The following OTULIN variants were observed in gnomAD, a reference collection of about 807,000 sequenced individuals.
OTULIN encodes OTU deubiquitinase with linear linkage specificity, also known as ubiquitin thioesterase otulin.
OTULIN carries 15 observed loss-of-function variants against 39.6 expected under a neutral mutation model. The observed-to-expected ratio is 0.38, with a 90% CI of 0.25 to 0.58. The LOEUF (loss-of-function observed/expected upper bound fraction) is 0.58, where lower values mean the gene tolerates loss of function less well. OTULIN is among the 20% of genes least tolerant of loss of function. The probability of loss-of-function intolerance (pLI) is 0.66; values close to 1 mark genes in which losing one functional copy is unlikely to be tolerated. For synonymous variants in OTULIN, 156 were observed against 170.3 expected (o/e 0.92, Z 0.65); for missense variants, 319 against 445.9 (o/e 0.72, Z 2.56).
chr5:14,700,551 C>T (rs931985946), downstream of OTULIN, among the ~76,000 whole-genome samples: 1 of 149,848 alleles, frequency 6.7e-6, no homozygotes, highest in African/African-American at 2.5e-5. Flanking sequence ...CACCCCAACC[C>T]CATGCCCACC....
the OTULIN span, chr5:14,706,584 T>G: frequency 6.6e-6 from 1 of 152,210 alleles, no homozygotes; most frequent in South Asian, 2.1e-4. Context: ...CTGAGTGGAG[T>G]TTGGGTTATT....
chr5:14,709,905 A>ATATCT, the OTULIN span: 1 of 152,592 alleles, frequency 6.6e-6, no homozygotes, highest in South Asian at 2.1e-4. Flanking sequence ...GCATATATTT[A>ATATCT]TATCTTTAAA....
intron 3 of OTULIN, 114 bp from the exon 4 acceptor site, chr5:14,681,350 A>G (rs758569042): frequency 4.4e-5 from 55 of 1,253,166 alleles, no homozygotes; most frequent in Admixed American, 9.9e-5. Context: ...TAAAACTCCA[A>G]CTTTGGGCAT....
chr5:14,715,862 A>G, the OTULIN span, among the ~76,000 whole-genome samples: 3 of 152,200 alleles, frequency 2.0e-5, no homozygotes. Flanking sequence ...TAACTTTCCA[A>G]CTGGCTTTTG....
chr5:14,712,214 TCACG>T, the OTULIN span, among the ~76,000 whole-genome samples: 1 of 152,218 alleles, frequency 6.6e-6, no homozygotes, highest in African/African-American at 2.4e-5. Flanking sequence ...GAGATGCACG[TCACG>T]CACCGTGAGC....
intron 2 of OTULIN, among the ~76,000 whole-genome samples, chr5:14,674,339 C>G (rs1395197256): frequency 1.3e-5 from 2 of 152,252 alleles, no homozygotes; most frequent in African/African-American, 4.8e-5. Context: ...TGGCCTCATG[C>G]AGGAGCTGCA....
chr5:14,713,497 T>C, the OTULIN span: 1 of 1,611,840 alleles, frequency 6.2e-7, no homozygotes, highest in Non-Finnish European at 8.5e-7. The surrounding 1 kb of genome is among the most constrained non-coding windows in gnomAD (Gnocchi z 4.4). Context: ...GGACACAGTA[T>C]TGAAGTGGCA....
the OTULIN span, among the ~76,000 whole-genome samples, chr5:14,711,979 C>G: frequency 1.3e-5 from 2 of 152,262 alleles, no homozygotes; most frequent in Non-Finnish European, 2.9e-5. Flanking sequence ...ACGGATCCCA[C>G]CAACCCTTCA....
chr5:14,673,783 C>T (rs1445708209), intron 2 of OTULIN, 65 bp downstream of exon 2: 40 of 1,325,720 alleles, frequency 3.0e-5, no homozygotes, highest in Middle Eastern at 1.9e-4. Context: ...CAGTTAAATC[C>T]GTATAACCAT....
chr5:14,676,992 T>A (rs1010951326), intron 2 of OTULIN, among the ~76,000 whole-genome samples: 1 of 152,248 alleles, frequency 6.6e-6, no homozygotes, highest in African/African-American at 2.4e-5. Context: ...AAGTGAATCC[T>A]GATGTGTGCC....
chr5:14,673,935 G>A (rs1171705105), intron 2 of OTULIN: 6 of 348,338 alleles, frequency 1.7e-5, no homozygotes, highest in Admixed American at 4.5e-5. Flanking sequence ...CATTCATATC[G>A]TTTTTCACAC....
chr5:14,678,653 CTT>C (rs562824991), intron 2 of OTULIN, 26 bp from the exon 3 acceptor site: 1,696 of 1,101,498 alleles, frequency 1.5e-3, no homozygotes, highest in South Asian at 2.7e-3. Context: ...TTATTATTTG[CTT>C]TTTTTTTTTT....
chr5:14,672,461 G>A (rs76508528), intron 1 of OTULIN, among the ~76,000 whole-genome samples: 13,235 of 152,146 alleles, frequency 0.087, 570 homozygotes, highest in African/African-American at 0.11. Flanking sequence ...GGGTGATGAG[G>A]GAATTGGGGG....
In OTULIN at chr5:14,690,016, A is replaced by G; in HGVS notation, c.595-23A>G. Reference sequence around the variant, plus strand: ...GATTTTTAGAACAAAAATTCTAATTATTACATAACTTTCTTATTGTAGTGG... The same window carrying G: ...GATTTTTAGAACAAAAATTCTAATTGTTACATAACTTTCTTATTGTAGTGG... On this transcript the variant is annotated intron_variant, in intron 5 of 6. Coordinates refer to ENST00000284274, the MANE Select transcript of OTULIN (RefSeq NM_138348.6). This position sits in a 1 kb window ranked among gnomAD's most constrained non-coding sequence, Gnocchi z 4.5. The G allele has an allele frequency of 6.3e-7, 1 of 1,597,020 alleles. No individual in the cohort carries two copies. Among genetic ancestry groups the G allele is most frequent in the East Asian group, 2.2e-5 (1 of 44,700 alleles).
chr5:14,692,951 C>T lies in OTULIN; in HGVS notation c.962C>T (p.Thr321Ile). The T allele has an allele frequency of 1.2e-6, 2 of 1,614,222 alleles. No individual in the cohort carries two copies. Among genetic ancestry groups the T allele is most frequent in the Non-Finnish European group, 1.7e-6 (2 of 1,180,042 alleles). The change falls in exon 7 of 7, where the codon ACC becomes ATC. Residue 321 changes from threonine (T) to isoleucine (I), a missense_variant. Coordinates refer to ENST00000284274, the MANE Select transcript of OTULIN (RefSeq NM_138348.6). ...GAAGAATTCATCACAGTCTACCCCACCGACCCACCCAAGGACTGGCCAGTG... is the reference window on the plus strand; with the variant it reads ...GAAGAATTCATCACAGTCTACCCCATCGACCCACCCAAGGACTGGCCAGTG... ...NTEEFITVYP[T>I]DPPKDWPVVT...
chr5:14,680,901 A>G (rs1179543991), intron 3 of OTULIN, among the ~76,000 whole-genome samples: 1 of 152,224 alleles, frequency 6.6e-6, no homozygotes, highest in Non-Finnish European at 1.5e-5. Context: ...ACTACTAAAA[A>G]TACAAAAAAT....
intron 5 of OTULIN, among the ~76,000 whole-genome samples, chr5:14,689,621 T>G (rs1736471977): frequency 6.6e-6 from 1 of 152,172 alleles, no homozygotes; most frequent in Non-Finnish European, 1.5e-5. Context: ...TCTCTTCCAT[T>G]TAGGAGGGTT....
chr5:14,673,666 A>C lies in OTULIN; in HGVS notation c.177A>C (p.Ala59=). 1.2e-6 allele frequency: 2 copies of C among 1,613,830 alleles called. No homozygotes were observed. The highest frequency in any genetic ancestry group is 1.1e-5 in the South Asian group (1 of 91,044). Residue 59 remains alanine (A), a synonymous_variant, in exon 2 of 7, where the codon GCA becomes GCC. Coordinates refer to ENST00000284274, the MANE Select transcript of OTULIN (RefSeq NM_138348.6). ...AEHEEDMYRA[A]DEIEKEKELL... Reference sequence around the variant, plus strand: ...GTGAGGAGGACATGTACCGTGCTGCAGATGAAATAGAAAAGGAGAAAGAAT... The same window carrying C: ...GTGAGGAGGACATGTACCGTGCTGCCGATGAAATAGAAAAGGAGAAAGAAT...
chr5:14,683,265 AAAAACC>A (rs1736302502), intron 4 of OTULIN, among the ~76,000 whole-genome samples: 1 of 152,172 alleles, frequency 6.6e-6, no homozygotes, highest in African/African-American at 2.4e-5. Flanking sequence ...TCTATTAAAA[AAAAACC>A]AAAACCAACA....
Sources: gnomAD v4.1 joint callset for allele counts (sites outside exome capture counted in the v4.1 genomes callset) on GRCh38, gnomAD v4.1.1 for gene constraint, Gnocchi (gnomAD v3.1) non-coding constraint, MANE v1.5 for transcripts, NCBI Gene and HGNC (gene_info 2026-07-23, HGNC 2026-07-21) for gene names.